Variants in PTPRB observed in about 807,000 individuals in gnomAD.
The protein encoded by PTPRB is receptor-type tyrosine-protein phosphatase beta.
A neutral mutation model predicts 238.1 loss-of-function variants in PTPRB; 97 were observed. That is an observed-to-expected ratio of 0.41 (90% CI 0.35 to 0.48). PTPRB has a LOEUF of 0.48. Ranked by LOEUF, PTPRB falls within the 20% of genes least tolerant of loss-of-function variation. The pLI is 0.30. For missense variants in PTPRB, 2,292 were observed against 2,681.9 expected, an observed-to-expected ratio of 0.85 and a Z score of 3.21; for synonymous variants, 970 against 995.4, an observed-to-expected ratio of 0.97 and a Z score of 0.48.
intron 18 of PTPRB, chr12:70,559,065 T>A: frequency 1.7e-6 from 1 of 578,238 alleles, no homozygotes; most frequent in Non-Finnish European, 3.1e-6. Context: ...GTCTCCATAG[T>A]ACCATTTACT....
intron 32 of PTPRB, among the ~76,000 whole-genome samples, chr12:70,530,178 G>A (rs1389027909): frequency 2.0e-5 from 3 of 152,024 alleles, no homozygotes; most frequent in Non-Finnish European, 4.4e-5. Flanking sequence ...ACCAAATATA[G>A]TTTTTTATAA....
intron 18 of PTPRB, among the ~76,000 whole-genome samples, chr12:70,556,807 G>A (rs1180469400): frequency 6.6e-6 from 1 of 152,188 alleles, no homozygotes; most frequent in Non-Finnish European, 1.5e-5. Context: ...GCAAAGTTAA[G>A]AATTATGTCC....
At chr12:70,581,356 T>C (rs1881375261) in intron 9 of PTPRB, 54 bp from the exon 10 acceptor site, 1 of 1,516,926 alleles carries the variant, frequency 6.6e-7, no homozygotes, top group South Asian at 1.3e-5. Context: ...CTTAAGAAAG[T>C]GTAAGAAAAA....
At chr12:70,548,053 A>T (rs911715419) in intron 21 of PTPRB, among the ~76,000 whole-genome samples, 18 of 152,130 alleles carry the variant, frequency 1.2e-4, no homozygotes, top group Non-Finnish European at 5.9e-5. Flanking sequence ...CTGGCTGGGC[A>T]CAGTGGCTCA....
chr12:70,574,908 G>A lies in PTPRB; in HGVS notation c.2842+1474C>T, dbSNP rs548232723. 4.6e-5 allele frequency among the ~76,000 whole-genome samples: 7 copies of A among 152,260 alleles called. No homozygotes were observed. In the South Asian group the frequency reaches 8.3e-4, roughly 18 times the overall value. On this transcript the variant is annotated intron_variant, in intron 11 of 33. Coordinates refer to ENST00000334414, the MANE Select transcript of PTPRB (RefSeq NM_001109754.4). ...AGACTTGGCAATATTAAAGTCATAC[G>A]GATAGGAAATCATCATGAATTGACA...
chr12:70,538,976 A>T lies in PTPRB; in HGVS notation c.5817T>A (p.Ile1939=). The T allele has an allele frequency of 6.2e-7, 1 of 1,613,914 alleles. No individual in the cohort carries two copies. Among genetic ancestry groups the T allele is most frequent in the East Asian group, 2.2e-5 (1 of 44,888 alleles). The change falls in exon 27 of 34, where the codon ATT becomes ATA. Residue 1939 remains isoleucine, a synonymous_variant. Transcript: ENST00000334414. ...KDVGRNQSCD[I]ALLPENRGKN... ...TCCCTCTATTCTCCGGCAAGAGTGC[A>T]ATGTCACATGACTGGTTTCGGCCCA...
chr12:70,622,360 G>T (rs762180331), intron 3 of PTPRB, 30 bp downstream of exon 3: 19 of 1,608,072 alleles, frequency 1.2e-5, no homozygotes, highest in Non-Finnish European at 1.6e-5. Context: ...GACGTGCACA[G>T]ACCACACTCC....
chr12:70,627,129 A>T (rs543421514), intron 2 of PTPRB, among the ~76,000 whole-genome samples: 3 of 152,334 alleles, frequency 2.0e-5, no homozygotes, highest in African/African-American at 7.2e-5. Context: ...GCATGGCATT[A>T]TGAAGATGTG....
rs1488415772 is a variant in PTPRB, at chr12:70,609,252, A to G, written c.796T>C (p.Leu266=). 1 of 1,614,080 alleles carries G rather than the reference A, an allele frequency of 6.2e-7. No homozygotes were observed. The change falls in exon 4 of 34, where the codon TTG becomes CTG. Residue 266 remains leucine (L), a synonymous_variant. Coordinates refer to ENST00000334414, the MANE Select transcript of PTPRB (RefSeq NM_001109754.4). ...SHSVSIQWRI[L]GSPCNFSLIY... The stretch of plus-strand genomic sequence containing the variant: ...AGGCTAAAGTTACAGGGTGAGCCCA[A>G]AATTCTCCACTGGATAGACACAGAA...
At chr12:70,593,713 C>A (rs1265373350) in intron 6 of PTPRB, among the ~76,000 whole-genome samples, 3 of 151,922 alleles carry the variant, frequency 2.0e-5, no homozygotes, top group African/African-American at 7.3e-5. Flanking sequence ...AATATCTTTC[C>A]CACCAGCCTC....
In PTPRB at chr12:70,532,187, A is replaced by C; in HGVS notation, c.6369-17T>G. On this transcript the variant is annotated splice_polypyrimidine_tract_variant and intron_variant, in intron 31 of 33. Transcript: ENST00000334414. ...ACACCAGCACTAGAAGAGATGGCAAAGGAAGATTGAGCCTTTTTATTAAAT... is the reference window on the plus strand; with the variant it reads ...ACACCAGCACTAGAAGAGATGGCAACGGAAGATTGAGCCTTTTTATTAAAT... 6.4e-7 allele frequency: 1 copy of C among 1,556,504 alleles called. No homozygotes were observed. Among genetic ancestry groups the C allele is most frequent in the Admixed American group, 2.0e-5 (1 of 49,066 alleles).
At chr12:70,619,126 G>A (rs1415671521) in intron 3 of PTPRB, among the ~76,000 whole-genome samples, 1 of 151,390 alleles carries the variant, frequency 6.6e-6, no homozygotes, top group Non-Finnish European at 1.5e-5. Flanking sequence ...GGCACACTAT[G>A]TAAGAGAATA....
chr12:70,566,664 G>A lies in PTPRB; in HGVS notation c.3675C>T (p.Tyr1225=), dbSNP rs1463061601. 1 of 1,613,996 alleles carries A rather than the reference G, an allele frequency of 6.2e-7. No individual in the cohort carries two copies. Among genetic ancestry groups the A allele is most frequent in the Admixed American group, 1.7e-5 (1 of 60,028 alleles). ...SVQGVIADNA[Y]SSYSLIVSWQ... ...AACTTACTATTAAGGAATAACTGCT[G>A]TATGCATTGTCTGCAATTACTCCTT... The change falls in exon 15 of 34, where the codon TAC becomes TAT. Residue 1225 remains tyrosine, a synonymous_variant. Transcript: ENST00000334414.
chr12:70,554,418 C>A (rs1191067484), intron 20 of PTPRB, among the ~76,000 whole-genome samples: 2 of 152,128 alleles, frequency 1.3e-5, no homozygotes, highest in African/African-American at 4.8e-5. Context: ...ACCTCAATGG[C>A]GAATACATAT....
At chr12:70,597,220 C>T (rs1883110321) in intron 4 of PTPRB, among the ~76,000 whole-genome samples, 1 of 152,134 alleles carries the variant, frequency 6.6e-6, no homozygotes, top group African/African-American at 2.4e-5. Context: ...CCGCATCTGG[C>T]CCCCTATATC....
In PTPRB at chr12:70,555,870, G is replaced by A. The variant is rs769941425; in HGVS notation, c.4993C>T (p.Arg1665Cys). 2.5e-5 allele frequency: 41 copies of A among 1,611,862 alleles called. No individual in the cohort carries two copies. The highest frequency in any genetic ancestry group is 4.2e-4 in the Middle Eastern group (2 of 4,728). Residue 1665 changes from arginine (R) to cysteine (C), a missense_variant and splice_region_variant, in exon 19 of 34, where the codon CGC (arginine) becomes TGC (cysteine). Transcript: ENST00000334414. ...TGTGCGCACCTCCAGGGACACTTAC[G>A]GTCTATCATTGTGATAGTGCTGTCT... ...VEDSTITMID[R>C]PPPPPPHIRV...
intron 30 of PTPRB, 76 bp downstream of exon 30, chr12:70,534,757 G>T: frequency 6.2e-7 from 1 of 1,600,038 alleles, no homozygotes; most frequent in Non-Finnish European, 8.5e-7. Flanking sequence ...TACAAGAGAG[G>T]AACCAGCGAA....
At chr12:70,633,378 T>C (rs1885538337) in intron 2 of PTPRB, among the ~76,000 whole-genome samples, 1 of 152,076 alleles carries the variant, frequency 6.6e-6, no homozygotes, top group African/African-American at 2.4e-5. Context: ...AGTTGGAGGC[T>C]ACATTGAGCT....
At chr12:70,536,213 A>G in intron 28 of PTPRB, 54 bp from the exon 29 acceptor site, 1 of 1,559,072 alleles carries the variant, frequency 6.4e-7, no homozygotes, top group Admixed American at 1.9e-5. Flanking sequence ...CTTCAGAACT[A>G]TAAACAAAGA....
Sources: gnomAD v4.1 joint callset for allele counts (sites outside exome capture counted in the v4.1 genomes callset) on GRCh38, gnomAD v4.1.1 for gene constraint, MANE v1.5 for transcripts, NCBI Gene and HGNC (gene_info 2026-07-23, HGNC 2026-07-21) for gene names.